NEBL: variants seen among roughly 807,000 people sequenced by gnomAD.
NEBL encodes the protein LIM and SH3 protein 2.
In NEBL, 122 loss-of-function variants were observed where a neutral mutation model predicts 140.2. That is an observed-to-expected ratio of 0.87 (90% CI 0.75 to 1.01). The LOEUF is 1.01. NEBL is among the 50% of genes least tolerant of loss of function. NEBL has a pLI of 0.00. For missense variants in NEBL, 1,365 were observed against 1,231.3 expected (o/e 1.11, Z -1.62); for synonymous variants, 436 against 398.9 (o/e 1.09, Z -1.11).
chr10:20,992,337 C>T (rs1203456083), intron 3 of NEBL, among the ~76,000 whole-genome samples: 1 of 152,164 alleles, frequency 6.6e-6, no homozygotes, highest in East Asian at 1.9e-4. Flanking sequence ...TAGATACTTT[C>T]TCAACCGCCC....
rs934283885 is a variant in NEBL, at chr10:20,880,695, A to T, written c.480+99T>A. The T allele has an allele frequency of 9.1e-6, 8 of 879,066 alleles. No individual in the cohort carries two copies. In the African/African-American group the frequency reaches 1.3e-4, roughly 14 times the overall value. The allele number at this position is 879,066 out of a possible 1,614,324, so 54.5% of individuals were successfully genotyped here. A position where few individuals can be genotyped will look rare whatever the true frequency, so the allele number is the denominator to read the frequency against. On this transcript the variant is annotated intron_variant, in intron 5 of 27. Transcript: ENST00000377122. Reference sequence around the variant, plus strand: ...AGAAATATTAAAGTCTTTTTTGAACAGGGCTGTTGTAATGTTTAAATTTCA... The same window carrying T: ...AGAAATATTAAAGTCTTTTTTGAACTGGGCTGTTGTAATGTTTAAATTTCA...
chr10:20,981,675 G>C (rs1031417003), intron 3 of NEBL, among the ~76,000 whole-genome samples: 4 of 152,102 alleles, frequency 2.6e-5, no homozygotes, highest in Admixed American at 6.5e-5. Flanking sequence ...TCCAGTCAGG[G>C]CCAGAGAGAC....
At chr10:20,798,177 A>G (rs1836759639) in intron 26 of NEBL, among the ~76,000 whole-genome samples, 1 of 152,172 alleles carries the variant, frequency 6.6e-6, no homozygotes, top group African/African-American at 2.4e-5. Flanking sequence ...GGCAGTAATA[A>G]GTAGCAAATC....
intron 12 of NEBL, among the ~76,000 whole-genome samples, chr10:20,844,858 G>A (rs938730263): frequency 6.6e-6 from 1 of 151,944 alleles, no homozygotes; most frequent in Non-Finnish European, 1.5e-5. Context: ...GCAGGAAAGC[G>A]ACAGGAAAAG....
rs537461895 is a variant in NEBL at position 21,171,589 on chromosome 10, C to T, written c.164+794G>A. ...TCAAGGCCGCAATTTCATTACCCGC[C>T]ACATGGGGGTAATAATAGTGTCCCC... On this transcript the variant is annotated intron_variant, in intron 2 of 6. Transcript: ENST00000417816. 2.0e-5 allele frequency: 3 copies of T among 152,346 alleles called. No individual in the cohort carries two copies. The East Asian group carries it at 5.8e-4, about 29-fold the overall frequency. The allele number at this position is 152,346 out of a possible 1,614,324, so 9.4% of individuals were successfully genotyped here.
chr10:20,930,420 T>C (rs1242473331), intron 4 of NEBL, among the ~76,000 whole-genome samples: 1 of 152,254 alleles, frequency 6.6e-6, no homozygotes, highest in Non-Finnish European at 1.5e-5. Flanking sequence ...TCATTCTCTG[T>C]GTACATTCTT....
At chr10:21,136,146 G>A (rs1191664628) in intron 2 of NEBL, among the ~76,000 whole-genome samples, 1 of 152,158 alleles carries the variant, frequency 6.6e-6, no homozygotes, top group Non-Finnish European at 1.5e-5. Context: ...CTTTCCACAA[G>A]TTTGGTCCTC....
At chr10:20,885,362 C>T (rs1352782580) in intron 4 of NEBL, among the ~76,000 whole-genome samples, 2 of 152,242 alleles carry the variant, frequency 1.3e-5, no homozygotes, top group Admixed American at 1.3e-4. Context: ...GAAGTAGCCG[C>T]CTTATTCAAA....
At chr10:21,190,775 T>G (rs1006939322) in intron 3 of NEBL, among the ~76,000 whole-genome samples, 2 of 152,238 alleles carry the variant, frequency 1.3e-5, no homozygotes, top group African/African-American at 4.8e-5. Flanking sequence ...GAAAAATGAT[T>G]ATTATGCTTG....
chr10:21,050,348 C>T (rs1834719286), intron 2 of NEBL, among the ~76,000 whole-genome samples: 1 of 152,180 alleles, frequency 6.6e-6, no homozygotes, highest in South Asian at 2.1e-4. Flanking sequence ...ATTTTAAACA[C>T]ATTAAAATCA....
chr10:20,936,972 C>T (rs563925045), intron 4 of NEBL, among the ~76,000 whole-genome samples: 2 of 152,070 alleles, frequency 1.3e-5, no homozygotes, highest in Non-Finnish European at 2.9e-5. Flanking sequence ...GGTATTAATC[C>T]GCATTTCAAA....
chr10:21,010,359 A>G (rs1278193793), intron 3 of NEBL, among the ~76,000 whole-genome samples: 2 of 151,838 alleles, frequency 1.3e-5, no homozygotes, highest in South Asian at 2.1e-4. Flanking sequence ...ATCCTCCTAC[A>G]TCAGTCTCCT....
intron 9 of NEBL, among the ~76,000 whole-genome samples, chr10:20,856,253 T>G (rs1264587507): frequency 6.6e-6 from 1 of 152,230 alleles, no homozygotes; most frequent in Non-Finnish European, 1.5e-5. Context: ...TTTTCTCTGT[T>G]GAAGAGATGA....
rs371762356 is a variant in NEBL at position 21,241,973 on chromosome 10, G to T, written n.348+5948C>A. Among the ~76,000 whole-genome samples the T allele has an allele frequency of 2.4e-4, 37 of 152,294 alleles. 1 individual carries two copies. In the South Asian group the frequency reaches 7.5e-3, roughly 31 times the overall value. ...TCCTAGCACTTTGGGAGGCTGAGGT[G>T]TGTGGATCTCTTGAGCCCAGGAGTT... On this transcript the variant is annotated intron_variant and non_coding_transcript_variant, in intron 3 of 8. Transcript: ENST00000675702.
In NEBL at chr10:20,817,647, G is replaced by A; in HGVS notation, c.2101C>T (p.Pro701Ser). The A allele has an allele frequency of 1.9e-6, 3 of 1,613,934 alleles. No individual in the cohort carries two copies. Among genetic ancestry groups the A allele is most frequent in the East Asian group, 2.2e-5 (1 of 44,858 alleles). The change falls in exon 21 of 28, where the codon CCA becomes TCA. Residue 701 changes from proline (P) to serine (S), a missense_variant. Pro to Ser is a moderately conservative substitution (Grantham distance 74). Transcript: ENST00000377122. ...TCTTTTGCCCTCTTCAGCTCTGGTG[G>A]ATCAGAAATTGCAGTTCCCCGTTGA... is the stretch of plus-strand genomic sequence containing the variant. ...ELQRGTAISDPPELKRAKENQ... is the reference protein window; with the variant it reads ...ELQRGTAISDSPELKRAKENQ...
chr10:20,812,005 A>G (rs1451590309), intron 24 of NEBL, among the ~76,000 whole-genome samples: 1 of 152,184 alleles, frequency 6.6e-6, no homozygotes, highest in Non-Finnish European at 1.5e-5. Context: ...AGCAGGAATA[A>G]AAGTTTGCTC....
chr10:21,001,758 C>A (rs1392353059), intron 3 of NEBL, among the ~76,000 whole-genome samples: 1 of 152,010 alleles, frequency 6.6e-6, no homozygotes, highest in African/African-American at 2.4e-5. Flanking sequence ...AATTCAAAAA[C>A]CTGCAACCTC....
chr10:20,964,480 A>G lies in NEBL; in HGVS notation c.250-2701T>C, dbSNP rs1836197562. On this transcript the variant is annotated intron_variant, in intron 3 of 6. Transcript: ENST00000417816. ...AGGTGAAGGGGAGCCAGCGTGTCAC[A>G]TGGCAAGACAGGGAGCAAGGGCAGG... Among the ~76,000 whole-genome samples, 3 of 152,146 alleles carry G rather than the reference A, an allele frequency of 2.0e-5. No individual in the cohort carries two copies. The South Asian group carries it at 6.2e-4, about 32-fold the overall frequency.
intron 4 of NEBL, among the ~76,000 whole-genome samples, chr10:20,928,705 C>T (rs919542972): frequency 1.3e-5 from 2 of 152,100 alleles, no homozygotes; most frequent in Admixed American, 1.3e-4. Flanking sequence ...GAATTATATC[C>T]CCTTCTTTCC....
Sources: gnomAD v4.1 joint callset for allele counts (sites outside exome capture counted in the v4.1 genomes callset) on GRCh38, gnomAD v4.1.1 for gene constraint, MANE v1.5 for transcripts, NCBI Gene and HGNC (gene_info 2026-07-23, HGNC 2026-07-21) for gene names.